RSL1D1: variants seen among roughly 807,000 people sequenced by gnomAD.
The protein encoded by RSL1D1 is ribosomal L1 domain-containing protein 1.
A neutral mutation model predicts 44.6 loss-of-function variants in RSL1D1; 34 were observed. The observed-to-expected ratio is 0.76, with a 90% CI of 0.58 to 1.02. The LOEUF is 1.02. Ranked by LOEUF, RSL1D1 falls within the 50% of genes least tolerant of loss-of-function variation. The probability of loss-of-function intolerance (pLI) is 0.00; values close to 1 mark genes in which losing one functional copy is unlikely to be tolerated. For missense variants in RSL1D1, 767 were observed against 568.1 expected (o/e 1.35, Z -3.56); for synonymous variants, 271 against 207.4 (o/e 1.31, Z -2.63).
intron 1 of RSL1D1, chr16:11,851,049 G>A (rs146893044): frequency 2.8e-6 from 1 of 362,856 alleles, no homozygotes; most frequent in Non-Finnish European, 5.3e-6. Context: ...TACCTCTCCC[G>A]ATCCTGGATA....
At chr16:11,846,896 GAAGA>G (rs1250718732) in intron 3 of RSL1D1, 53 bp from the exon 4 acceptor site, 6 of 1,470,222 alleles carry the variant, frequency 4.1e-6, no homozygotes, top group South Asian at 1.2e-5. Flanking sequence ...TAAACAAGGA[GAAGA>G]AATACTTAGG....
At chr16:11,850,573 G>A (rs886669968) in intron 1 of RSL1D1, among the ~76,000 whole-genome samples, 155 bp from the exon 2 acceptor site, 3 of 151,784 alleles carry the variant, frequency 2.0e-5, no homozygotes, top group African/African-American at 4.8e-5. Flanking sequence ...CTCCATAACC[G>A]TATCTATTAG....
At chr16:11,838,183 C>A in intron 8 of RSL1D1, 70 bp from the exon 9 acceptor site, 1 of 1,226,612 alleles carries the variant, frequency 8.2e-7, no homozygotes, top group Admixed American at 2.4e-5. Context: ...CCAGGAGTTA[C>A]TGTTTTTATT....
chr16:11,850,050 C>G (rs1186051821), intron 2 of RSL1D1, among the ~76,000 whole-genome samples: 1 of 152,116 alleles, frequency 6.6e-6, no homozygotes, highest in Admixed American at 6.6e-5. Flanking sequence ...TGGTTTTGAA[C>G]TCCCGACCTC....
At position 11,846,672 on chromosome 16, in the gene RSL1D1, C is replaced by G. The variant is rs766425204; in HGVS notation, c.533+23G>C. On this transcript the variant is annotated intron_variant, in intron 4 of 8. Transcript: ENST00000571133. ...CCTAGAAGCTTCATGCTGCTAAAGT[C>G]CAGTCATTACTAAGAAACTTACTTC... 4.2e-5 allele frequency: 68 copies of G among 1,613,312 alleles called. No individual in the cohort carries two copies. The East Asian group carries it at 1.5e-3, about 35-fold the overall frequency.
chr16:11,843,941 G>A (rs1055519205), intron 5 of RSL1D1, among the ~76,000 whole-genome samples: 19 of 149,300 alleles, frequency 1.3e-4, no homozygotes, highest in African/African-American at 3.9e-4. Context: ...TTTCAGCTAC[G>A]AGCAAGACCA....
chr16:11,839,564 TATG>T (rs2053748984), intron 8 of RSL1D1, 128 bp downstream of exon 8: 7 of 1,085,680 alleles, frequency 6.4e-6, no homozygotes, highest in African/African-American at 3.3e-5. Context: ...TAAATCATGA[TATG>T]ATAACCACCT....
rs1437111263 is a variant in RSL1D1 at position 11,851,447 on chromosome 16, T to C, written c.66A>G (p.Pro22=). 2 of 1,614,096 alleles carry C rather than the reference T, an allele frequency of 1.2e-6. No individual in the cohort carries two copies. Among genetic ancestry groups the C allele is most frequent in the East Asian group, 2.2e-5 (1 of 44,876 alleles). ...AAATGTSTST[P]AAPTARKQLD... is the part of the protein sequence containing the mutation. Reference sequence around the variant, plus strand: ...GCTGCTTCCGTGCTGTCGGGGCCGCTGGAGTCGAGGTGGAGGTTCCAGTAG... The same window carrying C: ...GCTGCTTCCGTGCTGTCGGGGCCGCCGGAGTCGAGGTGGAGGTTCCAGTAG... Residue 22 remains proline (P), a synonymous_variant, in exon 1 of 9, where the codon CCA becomes CCG. Coordinates refer to ENST00000571133, the MANE Select transcript of RSL1D1 (RefSeq NM_015659.3).
In RSL1D1 at chr16:11,851,454, G is replaced by A. The variant is rs780668032; in HGVS notation, c.59C>T (p.Ser20Leu). ...CCGTGCTGTCGGGGCCGCTGGAGTC[G>A]AGGTGGAGGTTCCAGTAGCGGCTGC... Reference protein sequence around the residue: ...SSAAATGTSTSTPAAPTARKQ... With the variant: ...SSAAATGTSTLTPAAPTARKQ... The change falls in exon 1 of 9, where the codon TCG (serine) becomes TTG (leucine). Residue 20 changes from serine (S) to leucine (L), a missense_variant. By Grantham distance (145) the Ser-to-Leu change is moderately radical. Transcript: ENST00000571133. 1 of 1,614,118 alleles carries A rather than the reference G, an allele frequency of 6.2e-7. No homozygotes were observed. The highest frequency in any genetic ancestry group is 8.5e-7 in the Non-Finnish European group (1 of 1,179,994).
At position 11,839,903 on chromosome 16, in the gene RSL1D1, G is replaced by A. The variant is rs73509758; in HGVS notation, c.938C>T (p.Ala313Val). 897 of 1,614,044 alleles carry A rather than the reference G, an allele frequency of 5.6e-4. 9 individuals are homozygous for A. The African/African-American group carries it at 0.01, about 19-fold the overall frequency. Residue 313 changes from alanine to valine, a missense_variant, in exon 8 of 9, where the codon GCA becomes GTA. By Grantham distance (64) the Ala-to-Val change is moderately conservative (BLOSUM62 0). Transcript: ENST00000571133. The part of the protein sequence containing the change: ...KKKRQQARKT[A>V]SVLSKDDVAP... ...CACATCATCTTTACTAAGAACTGAT[G>A]CAGTCTTCCTAGCCTGCTGCCTCTT...
Position 11,837,889 on chromosome 16 carries a change from C to T in RSL1D1, c.1371G>A (p.Lys457=). 1 of 1,613,988 alleles carries T rather than the reference C, an allele frequency of 6.2e-7. No individual in the cohort carries two copies. The part of the protein sequence containing the change: ...GKKDARQTPK[K]PEAKFFTTPS... The stretch of plus-strand genomic sequence containing the variant: ...GAGTGGTGAAAAACTTGGCCTCTGG[C>T]TTTTTTGGAGTCTGTCTCGCATCTT... Residue 457 remains lysine (K), a synonymous_variant, in exon 9 of 9, where the codon AAG becomes AAA. Coordinates refer to ENST00000571133, the MANE Select transcript of RSL1D1 (RefSeq NM_015659.3).
rs202035330 is a variant in RSL1D1 at position 11,846,836 on chromosome 16, G to C, written c.392C>G (p.Ser131Cys). The C allele has an allele frequency of 3.0e-4, 478 of 1,607,496 alleles. No homozygotes were observed. Among genetic ancestry groups the C allele is most frequent in the Non-Finnish European group, 3.3e-4 (382 of 1,174,544 alleles). Residue 131 changes from serine to cysteine, a missense_variant, in exon 4 of 9, where the codon TCC (serine) becomes TGC (cysteine). By Grantham distance (112) the Ser-to-Cys change is moderately radical. Coordinates refer to ENST00000571133, the MANE Select transcript of RSL1D1 (RefSeq NM_015659.3). ...HGIKTVSQII[S>C]LQTLKKEYKS... ...ATATTCCTTCTTTAGAGTTTGGAGG[G>C]AGATAATCTAGGAAGTATAGAGAAG...
In RSL1D1 at chr16:11,847,573, G is replaced by A. The variant is rs976696274; in HGVS notation, c.384+95C>T. On this transcript the variant is annotated intron_variant, in intron 3 of 8. Transcript: ENST00000571133. ...TTAAATTAAAAAGAGAAAAGTAGAA[G>A]AAAAATACTAGGAAATATAGCAATG... is the stretch of plus-strand genomic sequence containing the variant. 7 of 1,083,654 alleles carry A rather than the reference G, an allele frequency of 6.5e-6. No homozygotes were observed. In the African/African-American group the frequency reaches 1.1e-4, roughly 17 times the overall value. The allele number at this position is 1,083,654 out of a possible 1,614,324, so 67.1% of individuals were successfully genotyped here. A position where few individuals can be genotyped will look rare whatever the true frequency, so the allele number is the denominator to read the frequency against.
intron 2 of RSL1D1, among the ~76,000 whole-genome samples, chr16:11,848,619 T>G (rs998332572): frequency 6.6e-6 from 1 of 152,172 alleles, no homozygotes; most frequent in Non-Finnish European, 1.5e-5. Flanking sequence ...CCAGCATAGC[T>G]GAGACTCCAG....
At chr16:11,844,259 A>G (rs2053783587) in intron 5 of RSL1D1, among the ~76,000 whole-genome samples, 1 of 152,208 alleles carries the variant, frequency 6.6e-6, no homozygotes, top group Non-Finnish European at 1.5e-5. Flanking sequence ...GGGGAAAGGT[A>G]AGAGAGGAAA....
chr16:11,847,507 T>C, intron 3 of RSL1D1, 161 bp downstream of exon 3: 1 of 613,060 alleles, frequency 1.6e-6, no homozygotes, highest in South Asian at 2.1e-5. Context: ...CTTTTATAAT[T>C]TGCAAGATAT....
intron 5 of RSL1D1, among the ~76,000 whole-genome samples, chr16:11,845,233 G>C (rs192072123): frequency 6.6e-6 from 1 of 152,152 alleles, no homozygotes; most frequent in Non-Finnish European, 1.5e-5. Flanking sequence ...CAGGAGGACC[G>C]GTTTTGTCTA....
In RSL1D1 at chr16:11,838,513, C is replaced by A. The variant is rs531047825; in HGVS notation, c.1147-400G>T. On this transcript the variant is annotated intron_variant, in intron 8 of 8. Transcript: ENST00000571133. ...CAAGTTACTGTTTTTATTAGTTAAC[C>A]CCCAAAAGGTACACCTCAGTATGAT... 1.1e-4 allele frequency among the ~76,000 whole-genome samples: 17 copies of A among 152,096 alleles called. No homozygotes were observed. In the East Asian group the frequency reaches 3.3e-3, roughly 29 times the overall value.
chr16:11,839,843 G>C lies in RSL1D1; in HGVS notation c.998C>G (p.Pro333Arg), dbSNP rs747633923. 3 of 1,614,012 alleles carry C rather than the reference G, an allele frequency of 1.9e-6. No individual in the cohort carries two copies. Among genetic ancestry groups the C allele is most frequent in the Admixed American group, 3.3e-5 (2 of 59,986 alleles). Residue 333 changes from proline (P) to arginine (R), a missense_variant, in exon 8 of 9, where the codon CCT becomes CGT. Coordinates refer to ENST00000571133, the MANE Select transcript of RSL1D1 (RefSeq NM_015659.3). ...TGGGGTCTGTTCCTTCTTTGATTCA[G>C]GTTTCTTCACTGTAGTATCACCACT... ...PESGDTTVKKPESKKEQTPEH... is the reference protein window; with the variant it reads ...PESGDTTVKKRESKKEQTPEH...
Sources: allele counts gnomAD v4.1 joint callset (sites outside exome capture counted in the v4.1 genomes callset), GRCh38; gene constraint gnomAD v4.1.1; transcripts MANE v1.5; gene names NCBI Gene and HGNC (gene_info 2026-07-23, HGNC 2026-07-21).